Variants in GPR158 observed in about 807,000 individuals in gnomAD.
The protein encoded by GPR158 is metabotropic glycine receptor.
A neutral mutation model predicts 78.2 loss-of-function variants in GPR158; 30 were observed. The ratio of observed to expected loss-of-function variants is 0.38; its 90% CI spans 0.29 to 0.52. GPR158 has a LOEUF of 0.52. Among genes scored for constraint, GPR158 ranks in the 20% least tolerant of loss-of-function variants. GPR158 has a pLI of 0.83. For missense variants in GPR158, 1,463 were observed against 1,523.5 expected, an observed-to-expected ratio of 0.96 and a Z score of 0.66; for synonymous variants, 581 against 591.1, an observed-to-expected ratio of 0.98 and a Z score of 0.25.
chr10:25,265,932 A>C (rs1309185727), intron 2 of GPR158, among the ~76,000 whole-genome samples: 1 of 152,206 alleles, frequency 6.6e-6, no homozygotes, highest in African/African-American at 2.4e-5. Context: ...TGCTTAAAAC[A>C]TTCCAATGGC....
At chr10:25,220,456 T>A (rs867636896) in intron 1 of GPR158, among the ~76,000 whole-genome samples, 40 of 152,338 alleles carry the variant, frequency 2.6e-4, no homozygotes, top group South Asian at 1.7e-3. Context: ...AAATGCAGTC[T>A]CTTCGTTTCC....
At chr10:25,237,365 T>C (rs1161048921) in intron 2 of GPR158, among the ~76,000 whole-genome samples, 1 of 152,252 alleles carries the variant, frequency 6.6e-6, no homozygotes, top group Non-Finnish European at 1.5e-5. Flanking sequence ...TTAACTCATT[T>C]CATTGCAAGC....
intron 4 of GPR158, among the ~76,000 whole-genome samples, chr10:25,422,852 C>A (rs1328328034): frequency 2.9e-5 from 4 of 138,634 alleles, no homozygotes; most frequent in Non-Finnish European, 6.5e-5. Context: ...ATTCCCTTAC[C>A]CCCCCCACAC....
intron 4 of GPR158, among the ~76,000 whole-genome samples, chr10:25,414,753 T>A (rs1044115399): frequency 1.3e-5 from 2 of 152,150 alleles, no homozygotes; most frequent in African/African-American, 2.4e-5. Flanking sequence ...CTTTCGGAGT[T>A]TCCTATTACA....
At chr10:25,548,168 T>A (rs1217117443) in intron 5 of GPR158, among the ~76,000 whole-genome samples, 1 of 152,212 alleles carries the variant, frequency 6.6e-6, no homozygotes, top group Non-Finnish European at 1.5e-5. Context: ...ATATTTAATA[T>A]GTATAAACTT....
chr10:25,474,948 T>C (rs1835562780), intron 5 of GPR158, among the ~76,000 whole-genome samples: 1 of 152,134 alleles, frequency 6.6e-6, no homozygotes, highest in African/African-American at 2.4e-5. Context: ...TTAGCAGAAG[T>C]TCAGTTCATT....
At chr10:25,520,659 G>T (rs9787455) in intron 5 of GPR158, among the ~76,000 whole-genome samples, 2 of 150,670 alleles carry the variant, frequency 1.3e-5, no homozygotes, top group Non-Finnish European at 3.0e-5. Context: ...TGCCCCTGCT[G>T]GGGGGTGCCT....
At chr10:25,275,863 A>C (rs1168393570) in intron 2 of GPR158, among the ~76,000 whole-genome samples, 2 of 152,156 alleles carry the variant, frequency 1.3e-5, no homozygotes, top group Non-Finnish European at 2.9e-5. Context: ...AGGTGCTAGA[A>C]CAGGGATCCA....
intron 6 of GPR158, among the ~76,000 whole-genome samples, chr10:25,560,418 A>C (rs1398144734): frequency 6.6e-6 from 1 of 152,050 alleles, no homozygotes; most frequent in Non-Finnish European, 1.5e-5. Context: ...GGTGCCCGCC[A>C]CCATGCCCAC....
At chr10:25,402,165 C>T (rs1029972733) in intron 3 of GPR158, among the ~76,000 whole-genome samples, 1 of 152,030 alleles carries the variant, frequency 6.6e-6, no homozygotes, top group Non-Finnish European at 1.5e-5. Context: ...TTATCGTGTT[C>T]CTGCCAAAAG....
intron 2 of GPR158, among the ~76,000 whole-genome samples, chr10:25,279,730 G>T (rs1380766456): frequency 6.6e-6 from 1 of 152,168 alleles, no homozygotes; most frequent in Non-Finnish European, 1.5e-5. Flanking sequence ...CAGAAAAACA[G>T]GCAGTCAATT....
chr10:25,557,186 ACT>A (rs780215253), intron 6 of GPR158, among the ~76,000 whole-genome samples: 2 of 151,828 alleles, frequency 1.3e-5, no homozygotes, highest in Non-Finnish European at 2.9e-5. Context: ...AATCTCAGAA[ACT>A]CTGTGTAGTT....
intron 5 of GPR158, among the ~76,000 whole-genome samples, chr10:25,478,127 C>T (rs1338344838): frequency 6.6e-6 from 1 of 152,012 alleles, no homozygotes; most frequent in Non-Finnish European, 1.5e-5. Context: ...GAGCCTTACT[C>T]CAATCAGTGA....
intron 2 of GPR158, among the ~76,000 whole-genome samples, chr10:25,294,770 A>G (rs906039785): frequency 1.3e-5 from 1 of 74,562 alleles, no homozygotes; most frequent in Non-Finnish European, 3.2e-5. Context: ...AAGAGCATGG[A>G]AGCTCTTAGG....
intron 2 of GPR158, among the ~76,000 whole-genome samples, chr10:25,231,730 A>C (rs759197097): frequency 4.6e-5 from 7 of 152,188 alleles, no homozygotes; most frequent in Non-Finnish European, 1.0e-4. Context: ...AATATAACAG[A>C]GGTGAATATG....
At chr10:25,422,110 C>T (rs978797896) in intron 4 of GPR158, among the ~76,000 whole-genome samples, 15 of 152,282 alleles carry the variant, frequency 9.9e-5, no homozygotes, top group African/African-American at 2.6e-4. Flanking sequence ...CACCCACCAC[C>T]GACTGTTGCT....
intron 2 of GPR158, among the ~76,000 whole-genome samples, chr10:25,273,290 G>A (rs987889163): frequency 2.0e-5 from 3 of 151,814 alleles, no homozygotes; most frequent in African/African-American, 7.3e-5. Context: ...AGATTATGCA[G>A]TCTAACAGGG....
intron 1 of GPR158, among the ~76,000 whole-genome samples, chr10:25,220,809 A>G (rs181692426): frequency 1.9e-3 from 285 of 152,306 alleles, no homozygotes; most frequent in Middle Eastern, 0.01. Flanking sequence ...AGCACCTATT[A>G]TGTACCAGGC....
In GPR158 at chr10:25,540,953, T is replaced by A. The variant is rs977214497; in HGVS notation, c.1405-10023T>A. Among the ~76,000 whole-genome samples, 453 of 88,352 alleles carry A rather than the reference T, an allele frequency of 5.1e-3. 1 individual carries two copies. Among genetic ancestry groups the A allele is most frequent in the African/African-American group, 0.027 (427 of 15,586 alleles). 58.0% of individuals were successfully genotyped at this position (88,352 alleles called of 152,430 possible). On this transcript the variant is annotated intron_variant, in intron 5 of 10. Coordinates refer to ENST00000376351, the MANE Select transcript of GPR158 (RefSeq NM_020752.3). ...ACTTAAAGTATAATAAAAATATATA[T>A]ATATATATATATATATATATATATA...
Sources: allele counts gnomAD v4.1 joint callset (sites outside exome capture counted in the v4.1 genomes callset), GRCh38; gene constraint gnomAD v4.1.1; transcripts MANE v1.5; gene names NCBI Gene and HGNC (gene_info 2026-07-23, HGNC 2026-07-21).